LUZP2: variants seen among roughly 807,000 people sequenced by gnomAD.
The protein encoded by LUZP2 is leucine zipper protein 2.
LUZP2 carries 52 observed loss-of-function variants against 51.6 expected under a neutral mutation model. The ratio of observed to expected loss-of-function variants is 1.01; its 90% CI spans 0.81 to 1.27. The LOEUF (loss-of-function observed/expected upper bound fraction) is 1.27, where lower values mean the gene tolerates loss of function less well. Among genes scored for constraint, LUZP2 ranks in the 50% most tolerant of loss-of-function variants. The pLI, the probability that LUZP2 is intolerant of heterozygous loss-of-function variation, is 0.00. For synonymous variants in LUZP2, 154 were observed against 137.3 expected, an observed-to-expected ratio of 1.12 and a Z score of -0.85; for missense variants, 436 against 395.4, an observed-to-expected ratio of 1.10 and a Z score of -0.87.
chr11:24,825,502 T>C (rs2134166689), intron 5 of LUZP2, among the ~76,000 whole-genome samples: 1 of 152,330 alleles, frequency 6.6e-6, no homozygotes, highest in East Asian at 1.9e-4. Flanking sequence ...ATGATCTTTT[T>C]ATAAACACAC....
chr11:24,729,341 C>G (rs755742845), intron 2 of LUZP2, 55 bp downstream of exon 2: 6 of 914,754 alleles, frequency 6.6e-6, no homozygotes, highest in Non-Finnish European at 9.8e-6. Flanking sequence ...ATCTGATTTT[C>G]TGAGTGGATT....
intron 1 of LUZP2, among the ~76,000 whole-genome samples, chr11:24,511,399 ATTAAT>A (rs1182100437): frequency 6.6e-6 from 1 of 150,578 alleles, no homozygotes; most frequent in African/African-American, 2.5e-5. Context: ...AATTTTTTTA[ATTAAT>A]TAAAAAATAA....
At chr11:24,866,015 G>T (rs911744856) in intron 5 of LUZP2, among the ~76,000 whole-genome samples, 12 of 151,436 alleles carry the variant, frequency 7.9e-5, no homozygotes, top group Non-Finnish European at 5.9e-5. Flanking sequence ...CACCATGTTT[G>T]CCAGGTTGGT....
At chr11:24,869,852 C>T (rs1390979875) in intron 5 of LUZP2, among the ~76,000 whole-genome samples, 2 of 152,072 alleles carry the variant, frequency 1.3e-5, no homozygotes, top group Non-Finnish European at 2.9e-5. Context: ...AAGTCTCTTA[C>T]TTTAAATCAA....
rs80178846 is a variant in LUZP2, at chr11:24,509,698, A to G, written c.62+12393A>G. Among the ~76,000 whole-genome samples, 1,377 of 151,442 alleles carry G rather than the reference A, an allele frequency of 9.1e-3. 66 individuals carry two copies. In the East Asian group the frequency reaches 0.15, roughly 16 times the overall value. ...ATATTATATGCATATTTTAATAACT[A>G]TTTTAAATATATTACTCATAGATAC... On this transcript the variant is annotated intron_variant, in intron 1 of 11. Transcript: ENST00000336930.
At chr11:24,956,645 G>A (rs1243300111) in intron 7 of LUZP2, among the ~76,000 whole-genome samples, 1 of 152,038 alleles carries the variant, frequency 6.6e-6, no homozygotes, top group Non-Finnish European at 1.5e-5. Context: ...ATGAGTCATA[G>A]GTGTAACAGG....
intron 7 of LUZP2, among the ~76,000 whole-genome samples, chr11:24,950,974 A>C (rs2133863354): frequency 6.6e-6 from 1 of 151,584 alleles, no homozygotes; most frequent in African/African-American, 2.4e-5. Context: ...TCTCAGCAGA[A>C]ACCCCCAATT....
intron 5 of LUZP2, among the ~76,000 whole-genome samples, chr11:24,903,471 C>T (rs762529219): frequency 2.9e-4 from 44 of 152,260 alleles, no homozygotes; most frequent in Non-Finnish European, 5.7e-4. Context: ...AAATAAAAAA[C>T]CCTGTTCAAA....
chr11:25,082,501 C>G lies in LUZP2; in HGVS notation c.*3843C>G, dbSNP rs940239311. 21 of 152,352 alleles carry G rather than the reference C, an allele frequency of 1.4e-4. No homozygotes were observed. Among genetic ancestry groups the G allele is most frequent in the African/African-American group, 4.6e-4 (19 of 41,436 alleles). 9.4% of individuals were successfully genotyped at this position (152,352 alleles called of 1,614,324 possible). A position where few individuals can be genotyped will look rare whatever the true frequency, so the allele number is the denominator to read the frequency against. ...ATACTGTTTACTTAGGAGACATTTTCTTAGTCGTGTGTATAGTCCTAAATT... is the reference window on the plus strand; with the variant it reads ...ATACTGTTTACTTAGGAGACATTTTGTTAGTCGTGTGTATAGTCCTAAATT... On this transcript the variant is annotated 3_prime_UTR_variant, in exon 12 of 12. Transcript: ENST00000336930.
chr11:24,829,532 C>G (rs943518347), intron 5 of LUZP2, among the ~76,000 whole-genome samples: 1 of 151,938 alleles, frequency 6.6e-6, no homozygotes, highest in African/African-American at 2.4e-5. Flanking sequence ...ATGTATATAC[C>G]CATATATACA....
intron 9 of LUZP2, among the ~76,000 whole-genome samples, chr11:25,006,245 A>C (rs1470014644): frequency 6.6e-6 from 1 of 152,108 alleles, no homozygotes; most frequent in Non-Finnish European, 1.5e-5. Context: ...TAGAAGCAGG[A>C]CTAGTCTTGG....
chr11:24,564,449 A>AATC (rs1852152076), intron 1 of LUZP2, among the ~76,000 whole-genome samples: 1 of 152,182 alleles, frequency 6.6e-6, no homozygotes, highest in African/African-American at 2.4e-5. Context: ...CTCTTGAACT[A>AATC]TTAAGATAAT....
chr11:25,001,445 G>A (rs572762307), intron 9 of LUZP2, among the ~76,000 whole-genome samples: 1 of 152,254 alleles, frequency 6.6e-6, no homozygotes, highest in South Asian at 2.1e-4. Context: ...CCTTTGTATG[G>A]TAATTAATTA....
In LUZP2 at chr11:24,717,706, C is replaced by T. The variant is rs945184405; in HGVS notation, c.63-11463C>T. 9.2e-5 allele frequency among the ~76,000 whole-genome samples: 14 copies of T among 152,180 alleles called. No homozygotes were observed. The South Asian group carries it at 1.5e-3, about 16-fold the overall frequency. On this transcript the variant is annotated intron_variant, in intron 1 of 11. Coordinates refer to ENST00000336930, the MANE Select transcript of LUZP2 (RefSeq NM_001009909.4). ...CTGGGATTACAGGCGTGAGCCACCG[C>T]GCCCGGCCCCCAATAGTTATCTCTT...
intron 5 of LUZP2, among the ~76,000 whole-genome samples, chr11:24,849,683 T>A (rs1851325297): frequency 6.6e-6 from 1 of 152,188 alleles, no homozygotes; most frequent in South Asian, 2.1e-4. Context: ...TTGTTCTAGA[T>A]CCTTGAGGAA....
chr11:24,574,687 T>G (rs528556358), intron 1 of LUZP2, among the ~76,000 whole-genome samples: 1 of 152,138 alleles, frequency 6.6e-6, no homozygotes, highest in East Asian at 1.9e-4. Flanking sequence ...GCAGGGAGAT[T>G]GGTCAATGTA....
chr11:24,622,550 A>C (rs977524838), intron 1 of LUZP2, among the ~76,000 whole-genome samples: 1 of 152,110 alleles, frequency 6.6e-6, no homozygotes, highest in East Asian at 1.9e-4. Context: ...TTAGGTTGGG[A>C]AACAACAGGG....
intron 10 of LUZP2, among the ~76,000 whole-genome samples, chr11:25,076,432 G>T (rs1859300033): frequency 6.6e-6 from 1 of 152,044 alleles, no homozygotes; most frequent in Non-Finnish European, 1.5e-5. Flanking sequence ...CACAAATGCA[G>T]ATTCTTACAC....
chr11:24,600,664 T>C (rs1324488309), intron 1 of LUZP2, among the ~76,000 whole-genome samples: 1 of 152,132 alleles, frequency 6.6e-6, no homozygotes, highest in Non-Finnish European at 1.5e-5. Context: ...TCGTGATTGC[T>C]TCCTACCATT....
Sources: allele counts gnomAD v4.1 joint callset (sites outside exome capture counted in the v4.1 genomes callset), GRCh38; gene constraint gnomAD v4.1.1; transcripts MANE v1.5; gene names NCBI Gene and HGNC (gene_info 2026-07-23, HGNC 2026-07-21).